Variants in ABHD12 observed in about 807,000 individuals in gnomAD.
ABHD12 encodes lysophosphatidylserine lipase ABHD12.
A neutral mutation model predicts 58.3 loss-of-function variants in ABHD12; 43 were observed. The observed-to-expected ratio is 0.74, with a 90% CI of 0.58 to 0.95. The LOEUF (loss-of-function observed/expected upper bound fraction) is 0.95, where lower values mean the gene tolerates loss of function less well. Ranked by LOEUF, ABHD12 falls within the 40% of genes least tolerant of loss-of-function variation. The pLI, the probability that ABHD12 is intolerant of heterozygous loss-of-function variation, is 0.00. For missense variants in ABHD12, 539 were observed against 537.2 expected, an observed-to-expected ratio of 1.00 and a Z score of -0.03; for synonymous variants, 219 against 211.2, an observed-to-expected ratio of 1.04 and a Z score of -0.32.
intron 7 of ABHD12, among the ~76,000 whole-genome samples, 192 bp downstream of exon 7, chr20:25,309,254 C>T (rs748936106): frequency 6.6e-6 from 1 of 152,288 alleles, no homozygotes; most frequent in Non-Finnish European, 1.5e-5. Context: ...ACTTCCTGGA[C>T]GAGGAGCTCA....
At chr20:25,361,433 T>C (rs1237638841) in intron 1 of ABHD12, among the ~76,000 whole-genome samples, 4 of 152,146 alleles carry the variant, frequency 2.6e-5, no homozygotes, top group African/African-American at 7.2e-5. Flanking sequence ...TCTCACTTGC[T>C]CACCCAGGCT....
chr20:25,339,909 A>C (rs1002907515), intron 1 of ABHD12, among the ~76,000 whole-genome samples: 2 of 152,080 alleles, frequency 1.3e-5, no homozygotes, highest in African/African-American at 2.4e-5. Flanking sequence ...CTCTGTACCC[A>C]CCCAACAGAG....
rs150286581 is a variant in ABHD12 at position 25,308,338 on chromosome 20, C to T, written c.787+119G>A. On this transcript the variant is annotated intron_variant, in intron 8 of 12. Transcript: ENST00000339157. The stretch of plus-strand genomic sequence containing the variant: ...GGAAGGGTGGCTGGTCAGCCCCGGG[C>T]CCCCCAGAATGTGCAGCTCATGCTG... 6.8e-4 allele frequency: 903 copies of T among 1,323,652 alleles called. 7 individuals carry two copies. The African/African-American group carries it at 0.012, about 18-fold the overall frequency. The allele number at this position is 1,323,652 out of a possible 1,614,324, so 82.0% of individuals were successfully genotyped here.
chr20:25,332,598 T>C (rs1436932570), intron 2 of ABHD12, among the ~76,000 whole-genome samples: 3 of 151,500 alleles, frequency 2.0e-5, no homozygotes, highest in Non-Finnish European at 2.9e-5. Context: ...GAAATTATAA[T>C]AAACTATCTC....
intron 4 of ABHD12, 68 bp from the exon 5 acceptor site, chr20:25,317,146 T>A: frequency 8.9e-7 from 1 of 1,127,086 alleles, no homozygotes; most frequent in Non-Finnish European, 1.3e-6. Context: ...CAACTTGTCC[T>A]CCATACCCCA....
chr20:25,389,442 G>A (rs1345893238), intron 1 of ABHD12, among the ~76,000 whole-genome samples: 4 of 152,094 alleles, frequency 2.6e-5, no homozygotes, highest in African/African-American at 4.8e-5. Context: ...CGTCAACTAA[G>A]GGCATTCCAG....
intron 1 of ABHD12, among the ~76,000 whole-genome samples, chr20:25,350,398 A>C (rs1014121678): frequency 1.3e-5 from 2 of 152,218 alleles, no homozygotes; most frequent in African/African-American, 4.8e-5. Context: ...GGTACAGATA[A>C]CTGAATCATG....
At chr20:25,322,280 C>G (rs971821468) in intron 3 of ABHD12, among the ~76,000 whole-genome samples, 3 of 149,688 alleles carry the variant, frequency 2.0e-5, no homozygotes, top group Non-Finnish European at 3.0e-5. Flanking sequence ...ACAGCCAACA[C>G]CATCATCATC....
chr20:25,332,586 C>G (rs1172683526), intron 2 of ABHD12, among the ~76,000 whole-genome samples: 2 of 151,852 alleles, frequency 1.3e-5, no homozygotes, highest in Non-Finnish European at 2.9e-5. Flanking sequence ...TGTAAAAGAA[C>G]AGAAATTATA....
chr20:25,307,298 T>G (rs1388654019), intron 9 of ABHD12, among the ~76,000 whole-genome samples: 1 of 152,036 alleles, frequency 6.6e-6, no homozygotes, highest in Non-Finnish European at 1.5e-5. Context: ...CTCACACAAT[T>G]TAAGAAAAGC....
chr20:25,307,025 T>C, intron 9 of ABHD12, 110 bp from the exon 10 acceptor site: 1 of 777,218 alleles, frequency 1.3e-6, no homozygotes. Context: ...TGCCCATAAC[T>C]ACCCTACCTA....
chr20:25,339,710 A>G (rs1280242132), intron 1 of ABHD12: 1 of 1,369,442 alleles, frequency 7.3e-7, no homozygotes, highest in African/African-American at 1.5e-5. Flanking sequence ...ATCAGGAAAG[A>G]GCGGCCTCCT....
chr20:25,346,154 T>A (rs561345495), intron 1 of ABHD12, among the ~76,000 whole-genome samples: 1 of 152,108 alleles, frequency 6.6e-6, no homozygotes, highest in African/African-American at 2.4e-5. Context: ...AATCAAGCCA[T>A]GAAAAGAACA....
intron 4 of ABHD12, among the ~76,000 whole-genome samples, chr20:25,318,486 G>A (rs909916319): frequency 1.3e-5 from 2 of 152,142 alleles, no homozygotes; most frequent in Admixed American, 6.5e-5. Flanking sequence ...ACCTCAGGGG[G>A]ACCCGGGTGG....
chr20:25,390,809 T>C lies in ABHD12; in HGVS notation c.-106A>G, dbSNP rs2090167386. On this transcript the variant is annotated 5_prime_UTR_variant, in exon 1 of 13. Coordinates refer to ENST00000339157, the MANE Select transcript of ABHD12 (RefSeq NM_001042472.3). ...GAGCCCGGAGCCCGGAACCCGCCGC[T>C]CCTCACATCCCAGCCCAGGCCGCTG... The C allele has an allele frequency of 1.4e-6, 1 of 730,006 alleles. No homozygotes were observed. The highest frequency in any genetic ancestry group is 1.8e-6 in the Non-Finnish European group (1 of 547,812). 45.2% of individuals were successfully genotyped at this position (730,006 alleles called of 1,614,324 possible). A position where few individuals can be genotyped will look rare whatever the true frequency, so the allele number is the denominator to read the frequency against.
chr20:25,325,256 G>C (rs569453367), intron 2 of ABHD12, among the ~76,000 whole-genome samples: 2 of 150,318 alleles, frequency 1.3e-5, no homozygotes, highest in African/African-American at 4.9e-5. Flanking sequence ...CCGGCAGCCC[G>C]GCTGCACAGC....
intron 1 of ABHD12, among the ~76,000 whole-genome samples, chr20:25,350,687 C>T (rs980842020): frequency 7.2e-5 from 11 of 152,166 alleles, no homozygotes; most frequent in African/African-American, 2.7e-4. Flanking sequence ...CCCAAGAGTA[C>T]TAAAAATAAA....
downstream of ABHD12, among the ~76,000 whole-genome samples, chr20:25,299,175 G>A (rs2088595730): frequency 6.6e-6 from 1 of 152,236 alleles, no homozygotes. Flanking sequence ...GGCCAAGGCA[G>A]GAGGATTGCT....
chr20:25,294,873 G>C (rs552756292), exon 13 of ABHD12: 3 of 1,371,718 alleles, frequency 2.2e-6, no homozygotes, highest in Non-Finnish European at 3.1e-6. Flanking sequence ...TGAATCCGGC[G>C]AGGGCTGGGA....
Sources: allele counts gnomAD v4.1 joint callset (sites outside exome capture counted in the v4.1 genomes callset), GRCh38; gene constraint gnomAD v4.1.1; transcripts MANE v1.5; gene names NCBI Gene and HGNC (gene_info 2026-07-23, HGNC 2026-07-21).